CAST: variants seen among roughly 807,000 people sequenced by gnomAD.
CAST encodes the protein MIR583 host.
Under a neutral mutation model 119.6 loss-of-function variants are expected in CAST, and 76 were observed. That is an observed-to-expected ratio of 0.64 (90% confidence interval 0.53 to 0.77). CAST has a LOEUF of 0.77. CAST is among the 30% of genes least tolerant of loss of function. The probability of loss-of-function intolerance (pLI) is 0.00; values close to 1 mark genes in which losing one functional copy is unlikely to be tolerated. For missense variants in CAST, 953 were observed against 946.5 expected, an observed-to-expected ratio of 1.01 and a Z score of -0.09; for synonymous variants, 319 against 331.6, an observed-to-expected ratio of 0.96 and a Z score of 0.41.
chr5:96,068,172 T>C, the CAST span, among the ~76,000 whole-genome samples: 2,219 of 152,296 alleles, frequency 0.015, 45 homozygotes, highest in African/African-American at 0.05. Flanking sequence ...GTCATCATTT[T>C]AGTCAGGCAG....
intron 25 of CAST, chr5:96,763,319 G>A: frequency 1.3e-6 from 1 of 775,078 alleles, no homozygotes; most frequent in Non-Finnish European, 2.4e-6. Context: ...TTATAATAAA[G>A]CACTTAAAAC....
chr5:96,092,176 G>A, the CAST span, among the ~76,000 whole-genome samples: 1 of 152,020 alleles, frequency 6.6e-6, no homozygotes, highest in Non-Finnish European at 1.5e-5. Context: ...CTCTCCCTTA[G>A]AAAACTCTCC....
intron 2 of CAST, among the ~76,000 whole-genome samples, chr5:96,682,548 CTT>C (rs972483636): frequency 6.6e-6 from 1 of 151,810 alleles, no homozygotes; most frequent in African/African-American, 2.4e-5. Context: ...TGAGATCTGT[CTT>C]TTTCAGTCTT....
the CAST span, among the ~76,000 whole-genome samples, chr5:96,136,906 A>G: frequency 6.6e-6 from 1 of 152,216 alleles, no homozygotes; most frequent in Non-Finnish European, 1.5e-5. Flanking sequence ...TTAGTCTTAC[A>G]TATTCCACTT....
chr5:96,141,837 T>C, the CAST span, among the ~76,000 whole-genome samples: 2 of 152,216 alleles, frequency 1.3e-5, no homozygotes, highest in Non-Finnish European at 2.9e-5. Context: ...AGCCACATAG[T>C]GACAGAGTGG....
At chr5:96,092,106 C>T in the CAST span, among the ~76,000 whole-genome samples, 1 of 152,328 alleles carries the variant, frequency 6.6e-6, no homozygotes, top group Middle Eastern at 3.4e-3. Flanking sequence ...ACTTACCATT[C>T]TCATTTGACT....
chr5:96,352,849 G>A, the CAST span, among the ~76,000 whole-genome samples: 3 of 152,118 alleles, frequency 2.0e-5, no homozygotes, highest in African/African-American at 7.2e-5. Context: ...TGATTTAAAA[G>A]TGTGGCACTT....
At chr5:96,662,330 T>TCCCTCCCTCCCTCTCTCCCTCCCTCCCC (rs1748638233), upstream of CAST, 5 of 261,792 alleles carry the variant, frequency 1.9e-5, no homozygotes, top group South Asian at 4.2e-5. Context: ...GCTCCCTCCC[T>TCCCTCCCTCCCTCTCTCCCTCCCTCCCC]CCCTCCCTCT....
At chr5:96,517,896 T>C in the CAST span, among the ~76,000 whole-genome samples, 9 of 152,386 alleles carry the variant, frequency 5.9e-5, no homozygotes, top group East Asian at 1.7e-3. Flanking sequence ...ACAGAGACTG[T>C]GTTAAGCCCT....
intron 1 of CAST, among the ~76,000 whole-genome samples, chr5:96,618,844 C>T (rs1277271908): frequency 3.3e-5 from 5 of 152,254 alleles, no homozygotes; most frequent in Admixed American, 3.3e-4. Flanking sequence ...GGCGCTGCCC[C>T]CTGCTCTGAG....
At position 96,686,850 on chromosome 5, in the gene CAST, G is replaced by A. The variant is rs368942009; in HGVS notation, c.139-8986G>A. 7.9e-5 allele frequency among the ~76,000 whole-genome samples: 12 copies of A among 152,338 alleles called. No homozygotes were observed. In the East Asian group the frequency reaches 1.7e-3, roughly 22 times the overall value. ...TTCATTCCAGACCATTGCTATAGGT[G>A]TAGGGACCACTGCAAGGGAATTTTG... On this transcript the variant is annotated intron_variant, in intron 2 of 31. Transcript: ENST00000675179.
the CAST span, among the ~76,000 whole-genome samples, chr5:96,415,868 C>G: frequency 6.6e-6 from 1 of 152,078 alleles, no homozygotes; most frequent in Non-Finnish European, 1.5e-5. Context: ...GAATCCATAT[C>G]TATTGACTCG....
chr5:96,586,839 A>G (rs1440272414), intron 1 of CAST, among the ~76,000 whole-genome samples: 2 of 152,246 alleles, frequency 1.3e-5, no homozygotes, highest in East Asian at 3.8e-4. Context: ...TCAGACATCT[A>G]CTAGGTGTTA....
At chr5:96,526,901 G>A (rs879837668), upstream of CAST, among the ~76,000 whole-genome samples, 3 of 152,168 alleles carry the variant, frequency 2.0e-5, no homozygotes, top group Non-Finnish European at 2.9e-5. Flanking sequence ...TGTTTAAAGG[G>A]CAAAGAGCAG....
chr5:96,392,911 T>A, the CAST span: 1 of 1,292,866 alleles, frequency 7.7e-7, no homozygotes, highest in Non-Finnish European at 1.1e-6. Flanking sequence ...AGCATAAGAA[T>A]TCATGACAAA....
At chr5:96,112,646 G>A in the CAST span, among the ~76,000 whole-genome samples, 6 of 152,226 alleles carry the variant, frequency 3.9e-5, no homozygotes, top group East Asian at 1.2e-3. Context: ...ACTTACAAAT[G>A]GGTTACATCC....
chr5:96,292,143 C>T, the CAST span, among the ~76,000 whole-genome samples: 1 of 152,090 alleles, frequency 6.6e-6, no homozygotes, highest in African/African-American at 2.4e-5. Context: ...GATATCACTA[C>T]AAACAGAGGC....
At chr5:96,683,905 T>G (rs547823333) in intron 2 of CAST, among the ~76,000 whole-genome samples, 18 of 152,322 alleles carry the variant, frequency 1.2e-4, no homozygotes, top group African/African-American at 3.8e-4. Context: ...TTTACAAAAT[T>G]TAGGACAAAA....
intron 2 of CAST, among the ~76,000 whole-genome samples, chr5:96,678,898 A>G (rs1327014186): frequency 1.3e-5 from 2 of 152,120 alleles, no homozygotes; most frequent in Non-Finnish European, 2.9e-5. Flanking sequence ...AGCCATGTGA[A>G]TTTCAGAGTT....
Sources: gnomAD v4.1 joint callset for allele counts (sites outside exome capture counted in the v4.1 genomes callset) on GRCh38, gnomAD v4.1.1 for gene constraint, MANE v1.5 for transcripts, NCBI Gene and HGNC (gene_info 2026-07-23, HGNC 2026-07-21) for gene names.